The following RASGEF1B variants were observed in gnomAD, a reference collection of about 807,000 sequenced individuals.
RASGEF1B encodes ras-GEF domain-containing family member 1B.
RASGEF1B carries 30 observed loss-of-function variants against 65.7 expected under a neutral mutation model. The observed-to-expected ratio is 0.46, with a 90% confidence interval of 0.34 to 0.62. RASGEF1B has a LOEUF of 0.62. Ranked by LOEUF, RASGEF1B falls within the 20% of genes least tolerant of loss-of-function variation. The probability of loss-of-function intolerance (pLI) is 0.01; values close to 1 mark genes in which losing one functional copy is unlikely to be tolerated. For synonymous variants in RASGEF1B, 175 were observed against 194.8 expected, an observed-to-expected ratio of 0.90 and a Z score of 0.85; for missense variants, 495 against 580.1, an observed-to-expected ratio of 0.85 and a Z score of 1.51.
At chr4:81,431,239 A>G (rs1721418466) in intron 13 of RASGEF1B, among the ~76,000 whole-genome samples, 1 of 148,044 alleles carries the variant, frequency 6.8e-6, no homozygotes, top group African/African-American at 2.5e-5. Context: ...AAAATTATAT[A>G]TATTTTATAT....
At chr4:81,446,736 G>A (rs560586398) in intron 6 of RASGEF1B, among the ~76,000 whole-genome samples, 110 of 152,284 alleles carry the variant, frequency 7.2e-4, no homozygotes, top group African/African-American at 2.5e-3. Context: ...CCAGCTTGAA[G>A]AGGCTAATTA....
At chr4:81,438,006 G>A (rs74758817) in intron 10 of RASGEF1B, among the ~76,000 whole-genome samples, 3,029 of 152,124 alleles carry the variant, frequency 0.02, 114 homozygotes, top group African/African-American at 0.069. Context: ...TAATATTTTC[G>A]AATTTCCTTT....
Position 81,426,701 on chromosome 4 carries a change from G to A in RASGEF1B, c.*1067C>T, listed in dbSNP as rs1721232761. On this transcript the variant is annotated 3_prime_UTR_variant, in exon 14 of 14. Transcript: ENST00000264400. ...TCAACCATTGAGTTAACAGCAAGGT[G>A]TTTTTCATCTGTTTTGTTTACTGCT... is the stretch of plus-strand genomic sequence containing the variant. 2 of 152,100 alleles carry A rather than the reference G, an allele frequency of 1.3e-5. No homozygotes were observed. The highest frequency in any genetic ancestry group is 2.1e-4 in the South Asian group (1 of 4,828). The allele number at this position is 152,100 out of a possible 1,614,324, so 9.4% of individuals were successfully genotyped here. A position where few individuals can be genotyped will look rare whatever the true frequency, so the allele number is the denominator to read the frequency against.
intron 10 of RASGEF1B, among the ~76,000 whole-genome samples, chr4:81,440,558 T>C (rs961780098): frequency 6.1e-4 from 93 of 152,244 alleles, no homozygotes; most frequent in Admixed American, 8.5e-4. Flanking sequence ...ATGAGTCATC[T>C]TAACATATGA....
At position 81,467,951 on chromosome 4, in the gene RASGEF1B, G is replaced by C. The variant is rs192457670; in HGVS notation, c.-7+3819C>G. Reference sequence around the variant, plus strand: ...TTCTTTTGCACAATCCAATACAGCAGCCACTAGCCACAAGTGACTTACTTA... The same window carrying C: ...TTCTTTTGCACAATCCAATACAGCACCCACTAGCCACAAGTGACTTACTTA... On this transcript the variant is annotated intron_variant, in intron 1 of 13. Coordinates refer to ENST00000264400, the MANE Select transcript of RASGEF1B (RefSeq NM_152545.3). Among the ~76,000 whole-genome samples, 13 of 152,200 alleles carry C rather than the reference G, an allele frequency of 8.5e-5. No homozygotes were observed. In the East Asian group the frequency reaches 2.5e-3, roughly 29 times the overall value.
intron 2 of RASGEF1B, 151 bp from the exon 3 acceptor site, chr4:81,457,772 G>A (rs1722501137): frequency 2.7e-6 from 2 of 749,544 alleles, no homozygotes; most frequent in Non-Finnish European, 4.2e-6. Context: ...AACAGTGTAA[G>A]GTTAATTTCT....
chr4:81,440,992 A>G lies in RASGEF1B; in HGVS notation c.1009-63T>C. 4 of 1,087,688 alleles carry G rather than the reference A, an allele frequency of 3.7e-6. No homozygotes were observed. The South Asian group carries it at 4.0e-5, about 11-fold the overall frequency. 67.4% of individuals were successfully genotyped at this position (1,087,688 alleles called of 1,614,324 possible). Reference sequence around the variant, plus strand: ...TATTGTAAACTTCTGTAGGAAGTTTATAAGATCACATATTTAGCTATATAC... The same window carrying G: ...TATTGTAAACTTCTGTAGGAAGTTTGTAAGATCACATATTTAGCTATATAC... On this transcript the variant is annotated intron_variant, in intron 9 of 13. Transcript: ENST00000264400.
At chr4:81,464,004 G>T (rs1386887289) in intron 1 of RASGEF1B, among the ~76,000 whole-genome samples, 1 of 152,182 alleles carries the variant, frequency 6.6e-6, no homozygotes, top group African/African-American at 2.4e-5. Flanking sequence ...GGGAAGAAAG[G>T]CTCAGGGTAA....
intron 4 of RASGEF1B, chr4:81,455,987 CT>C (rs1560707367): frequency 6.5e-6 from 1 of 152,896 alleles, no homozygotes; most frequent in Non-Finnish European, 1.5e-5. Flanking sequence ...TTTGTAGGAT[CT>C]CATTCTATGA....
At chr4:81,440,486 T>C (rs994644618) in intron 10 of RASGEF1B, among the ~76,000 whole-genome samples, 1 of 152,202 alleles carries the variant, frequency 6.6e-6, no homozygotes, top group Admixed American at 6.5e-5. Flanking sequence ...GTCGGCTACC[T>C]TGTGCAGAGC....
chr4:81,445,695 T>A, intron 7 of RASGEF1B, 48 bp downstream of exon 7: 1 of 1,591,636 alleles, frequency 6.3e-7, no homozygotes, highest in Non-Finnish European at 8.6e-7. Flanking sequence ...AAAATAAGTA[T>A]GAAAAAATAA....
At chr4:81,453,630 G>C (rs1182722807) in intron 4 of RASGEF1B, 1 of 152,176 alleles carries the variant, frequency 6.6e-6, no homozygotes, top group Non-Finnish European at 1.5e-5. Flanking sequence ...TGCTAAGAAT[G>C]ACTATGAAGG....
intron 10 of RASGEF1B, among the ~76,000 whole-genome samples, chr4:81,435,767 G>A (rs939999168): frequency 6.6e-5 from 9 of 135,940 alleles, no homozygotes; most frequent in South Asian, 2.4e-4. Context: ...GAGCCAACGC[G>A]CCTGGCCTTT....
rs1553947168 is a variant in RASGEF1B, at chr4:81,466,817, A to AGAAAGAAAGAAAG, written c.-7+4952_-7+4953insCTTTCTTTCTTTC. ...AAGAAAGAAAGAAAGAAAGAAAGAA[A>AGAAAGAAAGAAAG]GAAAGAAAATTTCCAGATTATCTTC... On this transcript the variant is annotated intron_variant, in intron 1 of 13. Coordinates refer to ENST00000264400, the MANE Select transcript of RASGEF1B (RefSeq NM_152545.3). 4.5e-4 allele frequency among the ~76,000 whole-genome samples: 67 copies of AGAAAGAAAGAAAG among 149,720 alleles called. 3 individuals carry two copies. The highest frequency in any genetic ancestry group is 1.7e-3 in the African/African-American group (67 of 39,980).
chr4:81,469,705 G>A (rs1208912617), intron 1 of RASGEF1B, among the ~76,000 whole-genome samples: 1 of 152,014 alleles, frequency 6.6e-6, no homozygotes, highest in African/African-American at 2.4e-5. Context: ...TAAGCTGTAG[G>A]GGGTTAGCGG....
chr4:81,457,412 A>C lies in RASGEF1B; in HGVS notation c.300+87T>G. 6 of 1,360,536 alleles carry C rather than the reference A, an allele frequency of 4.4e-6. No individual in the cohort carries two copies. The Admixed American group carries it at 1.1e-4, about 25-fold the overall frequency. 84.3% of individuals were successfully genotyped at this position (1,360,536 alleles called of 1,614,324 possible). ...ATTTATGCACTTCAGCCTGGGGATA[A>C]GCCAGGGTTACTTAAGGAACCAACT... On this transcript the variant is annotated intron_variant, in intron 3 of 13. Coordinates refer to ENST00000264400, the MANE Select transcript of RASGEF1B (RefSeq NM_152545.3).
chr4:81,442,751 C>T (rs1560698935), intron 8 of RASGEF1B, among the ~76,000 whole-genome samples: 1 of 152,160 alleles, frequency 6.6e-6, no homozygotes, highest in African/African-American at 2.4e-5. Flanking sequence ...TCCAGTAAAA[C>T]TTTGTTTATG....
At chr4:81,428,214 C>G (rs970673472) in intron 13 of RASGEF1B, among the ~76,000 whole-genome samples, 1 of 152,142 alleles carries the variant, frequency 6.6e-6, no homozygotes. Flanking sequence ...TGTCTGCCGT[C>G]AGAGGTGTAT....
intron 8 of RASGEF1B, among the ~76,000 whole-genome samples, chr4:81,442,968 C>T (rs886482124): frequency 6.6e-6 from 1 of 152,232 alleles, no homozygotes; most frequent in Non-Finnish European, 1.5e-5. Flanking sequence ...TTTGCGTGTA[C>T]TATCTCATAC....
Sources: gnomAD v4.1 joint callset for allele counts (sites outside exome capture counted in the v4.1 genomes callset) on GRCh38, gnomAD v4.1.1 for gene constraint, MANE v1.5 for transcripts, NCBI Gene and HGNC (gene_info 2026-07-23, HGNC 2026-07-21) for gene names.